Variants in RBM47 observed in about 807,000 individuals in gnomAD.
RBM47 encodes the protein RNA binding motif protein 47.
In RBM47, 21 loss-of-function variants were observed where a neutral mutation model predicts 47.1. The observed-to-expected ratio is 0.45, with a 90% CI of 0.32 to 0.64. The LOEUF (loss-of-function observed/expected upper bound fraction) is 0.64, where lower values mean the gene tolerates loss of function less well. Among genes scored for constraint, RBM47 ranks in the 30% least tolerant of loss-of-function variants. RBM47 has a pLI of 0.05. For missense variants in RBM47, 708 were observed against 870.9 expected, an observed-to-expected ratio of 0.81 and a Z score of 2.35; for synonymous variants, 375 against 361.7, an observed-to-expected ratio of 1.04 and a Z score of -0.42.
chr4:40,600,620 C>G (rs1283544280), intron 1 of RBM47, among the ~76,000 whole-genome samples: 3 of 136,428 alleles, frequency 2.2e-5, no homozygotes, highest in African/African-American at 8.0e-5. Context: ...GGCGACAGAG[C>G]GAGGCTCCGT....
At chr4:40,623,127 T>A (rs1737419435) in intron 1 of RBM47, among the ~76,000 whole-genome samples, 1 of 152,102 alleles carries the variant, frequency 6.6e-6, no homozygotes. Flanking sequence ...ACCGGAGAAG[T>A]GACTCCTAGG....
chr4:40,594,068 A>G (rs946670354), intron 1 of RBM47, among the ~76,000 whole-genome samples: 1 of 151,944 alleles, frequency 6.6e-6, no homozygotes, highest in South Asian at 2.1e-4. Flanking sequence ...CAAACAAAAA[A>G]AAGAAAGAAA....
chr4:40,485,984 C>G (rs1306996160), intron 2 of RBM47, among the ~76,000 whole-genome samples: 1 of 144,788 alleles, frequency 6.9e-6, no homozygotes, highest in African/African-American at 2.6e-5. Context: ...GGTGGGAGAA[C>G]TGCTTGAGCC....
At chr4:40,594,597 C>G (rs955078994) in intron 1 of RBM47, among the ~76,000 whole-genome samples, 3 of 152,168 alleles carry the variant, frequency 2.0e-5, no homozygotes, top group African/African-American at 7.2e-5. Flanking sequence ...CATTCGTGGT[C>G]AAACCGAGCC....
chr4:40,580,716 C>T (rs73149439), intron 1 of RBM47, among the ~76,000 whole-genome samples: 8,914 of 152,286 alleles, frequency 0.059, 481 homozygotes, highest in African/African-American at 0.14. Context: ...TGATCCCTAC[C>T]ACTGCTCGCA....
intron 2 of RBM47, among the ~76,000 whole-genome samples, chr4:40,533,586 A>G (rs547932835): frequency 2.6e-5 from 4 of 152,122 alleles, no homozygotes; most frequent in South Asian, 2.1e-4. Context: ...TCCCCTTCAG[A>G]CCAATTAAAT....
chr4:40,524,369 A>G (rs2154257630), intron 2 of RBM47, among the ~76,000 whole-genome samples: 1 of 152,324 alleles, frequency 6.6e-6, no homozygotes, highest in Non-Finnish European at 1.5e-5. Flanking sequence ...CTCAGCTTGT[A>G]CCTATTAGGC....
rs758735942 is a variant in RBM47 at position 40,437,958 on chromosome 4, C to T, written c.936G>A (p.Glu312=). 1.9e-6 allele frequency: 3 copies of T among 1,613,544 alleles called. No individual in the cohort carries two copies. The highest frequency in any genetic ancestry group is 2.2e-5 in the South Asian group (2 of 91,068). ...NGTELEGSCL[E]VTLAKPVDKE... Reference sequence around the variant, plus strand: ...TGTCCACGGGCTTGGCCAGCGTGACCTCCAGGCACGAGCCCTCCAGCTCAG... The same window carrying T: ...TGTCCACGGGCTTGGCCAGCGTGACTTCCAGGCACGAGCCCTCCAGCTCAG... Residue 312 remains glutamate, a synonymous_variant, in exon 4 of 7, where the codon GAG becomes GAA. Coordinates refer to ENST00000295971, the MANE Select transcript of RBM47 (RefSeq NM_001098634.2).
chr4:40,455,358 C>T (rs183183475), intron 3 of RBM47: 1 of 152,208 alleles, frequency 6.6e-6, no homozygotes, highest in Non-Finnish European at 1.5e-5. Flanking sequence ...CTTGACTGTA[C>T]TACTTGAAAA....
chr4:40,629,319 AT>A (rs1174101212), intron 1 of RBM47, 76 bp downstream of exon 1: 5 of 152,182 alleles, frequency 3.3e-5, no homozygotes, highest in Non-Finnish European at 5.9e-5. Flanking sequence ...TAAGAAAAAA[AT>A]ATACACTTCA....
At chr4:40,553,772 T>C (rs1044681882) in intron 1 of RBM47, among the ~76,000 whole-genome samples, 12 of 152,120 alleles carry the variant, frequency 7.9e-5, no homozygotes, top group African/African-American at 2.7e-4. Flanking sequence ...GGAGAGATAA[T>C]AAGCCCTTAA....
chr4:40,476,469 T>G (rs1435855263), intron 2 of RBM47, among the ~76,000 whole-genome samples: 1 of 151,776 alleles, frequency 6.6e-6, no homozygotes, highest in East Asian at 1.9e-4. Context: ...AGCTAGAAAT[T>G]GATTTACTCA....
chr4:40,603,214 A>G (rs1055944797), intron 1 of RBM47, among the ~76,000 whole-genome samples: 5 of 152,204 alleles, frequency 3.3e-5, no homozygotes, highest in African/African-American at 1.2e-4. Context: ...TTTGCAGGAT[A>G]CACCCTGTTA....
chr4:40,541,583 CAACA>C (rs1728548586), intron 2 of RBM47, among the ~76,000 whole-genome samples: 2 of 151,942 alleles, frequency 1.3e-5, no homozygotes, highest in Admixed American at 6.6e-5. Context: ...ACTAAAAATA[CAACA>C]AATTAGCCGG....
At chr4:40,524,552 C>A (rs1189300331) in intron 2 of RBM47, among the ~76,000 whole-genome samples, 2 of 152,174 alleles carry the variant, frequency 1.3e-5, no homozygotes, top group Non-Finnish European at 2.9e-5. Flanking sequence ...CCGTGTGTGT[C>A]AAGGAATTCT....
intron 2 of RBM47, among the ~76,000 whole-genome samples, chr4:40,488,994 C>T (rs527343614): frequency 3.9e-4 from 60 of 152,260 alleles, no homozygotes; most frequent in Non-Finnish European, 7.1e-4. Flanking sequence ...AACTCATATC[C>T]AGGTTCCCAA....
At chr4:40,426,938 A>G (rs1715148527) in intron 6 of RBM47, 1 of 152,110 alleles carries the variant, frequency 6.6e-6, no homozygotes, top group Non-Finnish European at 1.5e-5. Flanking sequence ...CATCCACACA[A>G]TTGATTTCAC....
At chr4:40,540,864 C>A (rs1329407642) in intron 2 of RBM47, among the ~76,000 whole-genome samples, 2 of 151,080 alleles carry the variant, frequency 1.3e-5, no homozygotes, top group Non-Finnish European at 2.9e-5. Context: ...TCCATATAAC[C>A]TAAATGTCAA....
At chr4:40,553,200 T>C (rs1220839206) in intron 1 of RBM47, among the ~76,000 whole-genome samples, 1 of 151,898 alleles carries the variant, frequency 6.6e-6, no homozygotes, top group Non-Finnish European at 1.5e-5. Flanking sequence ...AAAAGAGTTC[T>C]CCAATCACCA....
Sources: allele counts gnomAD v4.1 joint callset (sites outside exome capture counted in the v4.1 genomes callset), GRCh38; gene constraint gnomAD v4.1.1; transcripts MANE v1.5; gene names NCBI Gene and HGNC (gene_info 2026-07-23, HGNC 2026-07-21).